The following EYA4 variants were observed in gnomAD, a reference collection of about 807,000 sequenced individuals.
EYA4 encodes the protein EYA transcriptional coactivator and phosphatase 4, also known as protein phosphatase EYA4.
EYA4 carries 31 observed loss-of-function variants against 87.9 expected under a neutral mutation model. The ratio of observed to expected loss-of-function variants is 0.35; its 90% CI spans 0.27 to 0.48. The LOEUF is 0.48. Ranked by LOEUF, EYA4 falls within the 20% of genes least tolerant of loss-of-function variation. EYA4 has a pLI of 0.99. For missense variants in EYA4, 678 were observed against 761.4 expected, an observed-to-expected ratio of 0.89 and a Z score of 1.29; for synonymous variants, 263 against 270.6, an observed-to-expected ratio of 0.97 and a Z score of 0.28.
At chr6:133,451,388 G>T (rs182941802) in intron 5 of EYA4, among the ~76,000 whole-genome samples, 5 of 152,300 alleles carry the variant, frequency 3.3e-5, no homozygotes, top group African/African-American at 9.6e-5. Flanking sequence ...ATATAAGAAT[G>T]CATGCCAATT....
chr6:133,299,474 G>A (rs575856812), intron 2 of EYA4, among the ~76,000 whole-genome samples: 4 of 152,062 alleles, frequency 2.6e-5, no homozygotes, highest in Middle Eastern at 3.4e-3. Flanking sequence ...GACTTTGGGA[G>A]GCCGAGGTGG....
At chr6:133,307,968 C>T (rs1005124220) in intron 2 of EYA4, among the ~76,000 whole-genome samples, 1 of 151,986 alleles carries the variant, frequency 6.6e-6, no homozygotes, top group Admixed American at 6.6e-5. Context: ...GTGCTGTTCT[C>T]ATGATAGAGG....
intron 2 of EYA4, among the ~76,000 whole-genome samples, chr6:133,367,788 C>A (rs1373340103): frequency 6.6e-6 from 1 of 152,102 alleles, no homozygotes; most frequent in Non-Finnish European, 1.5e-5. Flanking sequence ...ATAATTCGTA[C>A]CTACAGGATG....
upstream of EYA4, chr6:133,240,774 C>G (rs1249961174): frequency 6.6e-6 from 1 of 152,410 alleles, no homozygotes; most frequent in Non-Finnish European, 1.5e-5. Context: ...CCAGTCTGGT[C>G]TGGGTTGGTT....
At chr6:133,481,676 C>T in intron 12 of EYA4, 77 bp downstream of exon 12, 1 of 1,501,788 alleles carries the variant, frequency 6.7e-7, no homozygotes, top group Admixed American at 1.7e-5. Context: ...CTTACAGTTC[C>T]ATTATGTTTC....
At chr6:133,337,421 C>G (rs1277734160) in intron 2 of EYA4, among the ~76,000 whole-genome samples, 1 of 152,176 alleles carries the variant, frequency 6.6e-6, no homozygotes, top group Admixed American at 6.5e-5. Flanking sequence ...ATGCATGACT[C>G]GCTGGTTTTT....
chr6:133,410,637 T>TTTTTTTTTTTTTTTTTTTTGAGA (rs1562388504), intron 3 of EYA4, among the ~76,000 whole-genome samples: 1 of 149,712 alleles, frequency 6.7e-6, no homozygotes, highest in Non-Finnish European at 1.5e-5. Context: ...AGGTCTTAAT[T>TTTTTTTTTTTTTTTTTTTTGAGA]CCTTCTATCA....
chr6:133,492,321 A>G (rs1216743099), intron 13 of EYA4, among the ~76,000 whole-genome samples: 2 of 152,244 alleles, frequency 1.3e-5, no homozygotes, highest in Non-Finnish European at 2.9e-5. Flanking sequence ...AAATCAATCA[A>G]CGTGATACAT....
intron 1 of EYA4, among the ~76,000 whole-genome samples, chr6:133,253,846 A>G (rs1012732667): frequency 6.6e-6 from 1 of 152,102 alleles, no homozygotes; most frequent in South Asian, 2.1e-4. Context: ...TAGAGAGACT[A>G]TGAACTCACA....
chr6:133,422,101 C>T (rs1790269873), intron 3 of EYA4, among the ~76,000 whole-genome samples: 1 of 152,144 alleles, frequency 6.6e-6, no homozygotes, highest in Admixed American at 6.6e-5. Context: ...GAGACAAATA[C>T]ACATGTGTAC....
chr6:133,277,338 C>G (rs1582824764), intron 2 of EYA4, among the ~76,000 whole-genome samples: 1 of 152,118 alleles, frequency 6.6e-6, no homozygotes, highest in East Asian at 1.9e-4. Flanking sequence ...AGAATTAAAC[C>G]AACTTCTCTC....
intron 3 of EYA4, among the ~76,000 whole-genome samples, chr6:133,386,081 A>G (rs1390221818): frequency 6.6e-6 from 1 of 152,192 alleles, no homozygotes; most frequent in African/African-American, 2.4e-5. Context: ...AACCATGTCC[A>G]GGATGTACTA....
chr6:133,316,162 T>G (rs1021775931), intron 2 of EYA4, among the ~76,000 whole-genome samples: 5 of 152,044 alleles, frequency 3.3e-5, no homozygotes, highest in African/African-American at 9.7e-5. Flanking sequence ...ACTCCCTAAT[T>G]CTCTTAAAAG....
intron 10 of EYA4, among the ~76,000 whole-genome samples, chr6:133,465,934 C>T (rs1794798321): frequency 6.6e-6 from 1 of 152,230 alleles, no homozygotes; most frequent in South Asian, 2.1e-4. Context: ...CACTAAACAT[C>T]AGAGCCAGTG....
intron 2 of EYA4, among the ~76,000 whole-genome samples, chr6:133,309,751 A>G (rs1269713120): frequency 6.6e-6 from 1 of 152,176 alleles, no homozygotes; most frequent in Non-Finnish European, 1.5e-5. Flanking sequence ...CTCTGGCACA[A>G]GGAAGGCAAG....
intron 2 of EYA4, among the ~76,000 whole-genome samples, chr6:133,277,904 C>G (rs2128276415): frequency 6.6e-6 from 1 of 152,270 alleles, no homozygotes; most frequent in South Asian, 2.1e-4. Flanking sequence ...CTCGAGCTCC[C>G]TTAGTTTAGT....
intron 3 of EYA4, among the ~76,000 whole-genome samples, chr6:133,430,221 G>A (rs1791068876): frequency 6.6e-6 from 1 of 152,146 alleles, no homozygotes; most frequent in Admixed American, 6.5e-5. Context: ...ATGGAATCAT[G>A]TCCTTTTCAG....
At chr6:133,307,601 T>G (rs1046255606) in intron 2 of EYA4, among the ~76,000 whole-genome samples, 2 of 152,190 alleles carry the variant, frequency 1.3e-5, no homozygotes, top group African/African-American at 4.8e-5. Context: ...GTGAGTGTTT[T>G]TCTTTCAGGA....
chr6:133,459,728 C>T (rs550626448), intron 6 of EYA4, among the ~76,000 whole-genome samples: 20 of 152,078 alleles, frequency 1.3e-4, no homozygotes, highest in Non-Finnish European at 2.1e-4. Flanking sequence ...AAATTTAAAA[C>T]GTTCTTTAAG....
Sources: allele counts gnomAD v4.1 joint callset (sites outside exome capture counted in the v4.1 genomes callset), GRCh38; gene constraint gnomAD v4.1.1; transcripts MANE v1.5; gene names NCBI Gene and HGNC (gene_info 2026-07-23, HGNC 2026-07-21).